The following LCN8 variants were observed in gnomAD, a reference collection of about 807,000 sequenced individuals.
LCN8 encodes the protein epididymal-specific lipocalin-8.
A neutral mutation model predicts 22.8 loss-of-function variants in LCN8; 16 were observed. The observed-to-expected ratio is 0.70, with a 90% CI of 0.47 to 1.06. LCN8 has a LOEUF of 1.06. LCN8 is among the 50% of genes least tolerant of loss of function. The probability of loss-of-function intolerance (pLI) is 0.00; values close to 1 mark genes in which losing one functional copy is unlikely to be tolerated. For missense variants in LCN8, 189 were observed against 203.3 expected, an observed-to-expected ratio of 0.93 and a Z score of 0.43; for synonymous variants, 92 against 83.4, an observed-to-expected ratio of 1.10 and a Z score of -0.56.
chr9:136,758,354 C>A, upstream of LCN8: 1 of 1,048,174 alleles, frequency 9.5e-7, no homozygotes, highest in Non-Finnish European at 1.2e-6. Flanking sequence ...TTCTGGCCTG[C>A]GCTGCGAGGG....
intron 1 of LCN8, chr9:136,757,390 A>T (rs1318189123): frequency 1.4e-6 from 2 of 1,424,694 alleles, no homozygotes; most frequent in Non-Finnish European, 9.1e-7. Flanking sequence ...CCCACAGGGC[A>T]GCCCCTCCCC....
chr9:136,757,322 C>A (rs555875376), intron 1 of LCN8, 154 bp from the exon 2 acceptor site: 2 of 1,458,144 alleles, frequency 1.4e-6, no homozygotes, highest in South Asian at 2.8e-5. Flanking sequence ...TCTGTGAGCC[C>A]ACTGTCCCCA....
upstream of LCN8, chr9:136,758,402 C>A (rs1847258741): frequency 4.0e-6 from 4 of 1,004,272 alleles, no homozygotes; most frequent in South Asian, 1.7e-4. Flanking sequence ...GAGCCTCCAG[C>A]ACTTTCCTGT....
rs924021699 is a variant in LCN8, at chr9:136,758,059, G to A, written c.-129C>T. ...AGCCTGGGCCGATTCTATACGGACA[G>A]TGCAGGCTTGTGCGCCCACCCGGGA... On this transcript the variant is annotated 5_prime_UTR_variant, in exon 1 of 7. Transcript: ENST00000371688. 2.7e-6 allele frequency: 4 copies of A among 1,508,026 alleles called. No individual in the cohort carries two copies. Among genetic ancestry groups the A allele is most frequent in the African/African-American group, 1.4e-5 (1 of 72,126 alleles). The allele number at this position is 1,508,026 out of a possible 1,614,324, so 93.4% of individuals were successfully genotyped here. A position where few individuals can be genotyped will look rare whatever the true frequency, so the allele number is the denominator to read the frequency against.
In LCN8 at chr9:136,757,946, C is replaced by T. The variant is rs764615202; in HGVS notation, c.-16G>A. The T allele has an allele frequency of 8.1e-6, 13 of 1,612,992 alleles. No individual in the cohort carries two copies. The highest frequency in any genetic ancestry group is 6.7e-5 in the African/African-American group (5 of 74,916). ...GCTCCTCCATGGCTGCTGCCACCTG[C>T]GCCCGGAGCACCACGAGGACACCCA... On this transcript the variant is annotated 5_prime_UTR_variant, in exon 1 of 7. Coordinates refer to ENST00000371688, the MANE Select transcript of LCN8 (RefSeq NM_178469.4).
At chr9:136,757,863 T>G in intron 1 of LCN8, 44 bp downstream of exon 1, 1 of 1,613,462 alleles carries the variant, frequency 6.2e-7, no homozygotes. Flanking sequence ...CCTGAGGGGT[T>G]GGGGGTGTAG....
At position 136,757,921 on chromosome 9, in the gene LCN8, G is replaced by C; in HGVS notation, c.10C>G (p.Leu4Val). The part of the protein sequence containing the change: MEE[L>V]DRQKIGGFWR... ...GGAGAAGCCACCTTCTGCCGGTCCA[G>C]CTCCTCCATGGCTGCTGCCACCTGC... is the stretch of plus-strand genomic sequence containing the variant. The change falls in exon 1 of 7, where the codon CTG (leucine) becomes GTG (valine). Residue 4 changes from leucine to valine, a missense_variant. Transcript: ENST00000371688. 6.2e-7 allele frequency: 1 copy of C among 1,613,676 alleles called. No homozygotes were observed. The highest frequency in any genetic ancestry group is 8.5e-7 in the Non-Finnish European group (1 of 1,179,970).
At chr9:136,755,097 G>A (rs1217045933) in intron 6 of LCN8, 38 bp downstream of exon 6, 1 of 1,490,192 alleles carries the variant, frequency 6.7e-7, no homozygotes, top group Middle Eastern at 2.3e-4. Flanking sequence ...AGGGGCCCGG[G>A]AACTTCAGCA....
intron 6 of LCN8, 93 bp from the exon 7 acceptor site, chr9:136,754,602 C>T (rs913578868): frequency 1.1e-5 from 16 of 1,498,636 alleles, no homozygotes; most frequent in East Asian, 1.0e-4. Context: ...CTTCTGTCCT[C>T]GCTGCCTGGT....
At chr9:136,757,673 T>C in intron 1 of LCN8, 4 of 1,435,222 alleles carry the variant, frequency 2.8e-6, no homozygotes, top group Non-Finnish European at 2.7e-6. Context: ...AACCCTACCA[T>C]TTTCGGGAGG....
chr9:136,756,661 A>T lies in LCN8; in HGVS notation c.156-69T>A, dbSNP rs111512423. The T allele has an allele frequency of 4.2e-5, 67 of 1,585,930 alleles. 1 individual carries two copies. The African/African-American group carries it at 5.1e-4, about 12-fold the overall frequency. On this transcript the variant is annotated intron_variant, in intron 2 of 6. Coordinates refer to ENST00000371688, the MANE Select transcript of LCN8 (RefSeq NM_178469.4). ...TCCCGCCTGCTGGGCTCCTTCCCGGAGTGGGGCTGTGTCTTTAGGAAGGGC... is the reference window on the plus strand; with the variant it reads ...TCCCGCCTGCTGGGCTCCTTCCCGGTGTGGGGCTGTGTCTTTAGGAAGGGC...
chr9:136,754,896 G>A (rs1847146169), intron 6 of LCN8: 1 of 1,362,938 alleles, frequency 7.3e-7, no homozygotes. Context: ...CAGCCTCCCA[G>A]GGTCCCTGCC....
In LCN8 at chr9:136,755,241, C is replaced by A. The variant is rs757540370; in HGVS notation, c.421+3G>T. The A allele has an allele frequency of 6.2e-6, 10 of 1,612,652 alleles. No individual in the cohort carries two copies. The highest frequency in any genetic ancestry group is 8.5e-6 in the Non-Finnish European group (10 of 1,179,858). ...GCCTCCACCCCAAGGCCCCTGGGCTCACCAGGCCGGGCCGCCAGGTAGAGA... is the reference window on the plus strand; with the variant it reads ...GCCTCCACCCCAAGGCCCCTGGGCTAACCAGGCCGGGCCGCCAGGTAGAGA... On this transcript the variant is annotated splice_donor_region_variant and intron_variant, in intron 5 of 6. Coordinates refer to ENST00000371688, the MANE Select transcript of LCN8 (RefSeq NM_178469.4).
Position 136,755,119 on chromosome 9 carries a change from C to G in LCN8, c.447+16G>C, listed in dbSNP as rs962865575. On this transcript the variant is annotated intron_variant, in intron 6 of 6. Coordinates refer to ENST00000371688, the MANE Select transcript of LCN8 (RefSeq NM_178469.4). ...CGGGAACTTCAGCACAGGCCAGGGT[C>G]GGGGGTCAGGCTCACCTCCTTCAGG... is the stretch of plus-strand genomic sequence containing the variant. 6.5e-7 allele frequency: 1 copy of G among 1,549,780 alleles called. No individual in the cohort carries two copies. The highest frequency in any genetic ancestry group is 1.9e-5 in the Admixed American group (1 of 51,750).
At chr9:136,754,841 C>T (rs2131085307) in intron 6 of LCN8, 4 of 1,350,062 alleles carry the variant, frequency 3.0e-6, no homozygotes, top group Non-Finnish European at 3.8e-6. Flanking sequence ...AGAAAAGGCG[C>T]CATTTCTGCT....
intron 6 of LCN8, 195 bp downstream of exon 6, chr9:136,754,940 G>C: frequency 7.2e-7 from 1 of 1,391,686 alleles, no homozygotes; most frequent in Non-Finnish European, 9.3e-7. Flanking sequence ...GGAGGTTCCA[G>C]CTCTTTCCAA....
chr9:136,755,224 C>G lies in LCN8; in HGVS notation c.421+20G>C. On this transcript the variant is annotated intron_variant, in intron 5 of 6. Coordinates refer to ENST00000371688, the MANE Select transcript of LCN8 (RefSeq NM_178469.4). ...CCACAGGGCCCAGCCCAGCCTCCACCCCAAGGCCCCTGGGCTCACCAGGCC... is the reference window on the plus strand; with the variant it reads ...CCACAGGGCCCAGCCCAGCCTCCACGCCAAGGCCCCTGGGCTCACCAGGCC... 1 of 1,611,982 alleles carries G rather than the reference C, an allele frequency of 6.2e-7. No individual in the cohort carries two copies. Among genetic ancestry groups the G allele is most frequent in the Non-Finnish European group, 8.5e-7 (1 of 1,179,358 alleles).
intron 1 of LCN8, 183 bp from the exon 2 acceptor site, chr9:136,757,351 C>T (rs1033824051): frequency 2.7e-5 from 39 of 1,439,038 alleles, no homozygotes; most frequent in Admixed American, 5.4e-5. Flanking sequence ...TCCCTCCAAG[C>T]GGTGCCTTCA....
intron 2 of LCN8, 86 bp from the exon 3 acceptor site, chr9:136,756,678 A>G: frequency 6.4e-7 from 1 of 1,567,002 alleles, no homozygotes. Flanking sequence ...CTGTGTCTTT[A>G]GGAAGGGCAC....
Sources: allele counts gnomAD v4.1 joint callset, GRCh38; gene constraint gnomAD v4.1.1; transcripts MANE v1.5; gene names NCBI Gene and HGNC (gene_info 2026-07-23, HGNC 2026-07-21).